REEP5: variants seen among roughly 807,000 people sequenced by gnomAD.
The protein encoded by REEP5 is receptor expression-enhancing protein 5.
A neutral mutation model predicts 22.4 loss-of-function variants in REEP5; 24 were observed. That is an observed-to-expected ratio of 1.07 (90% CI 0.78 to 1.51). REEP5 has a LOEUF of 1.51. Ranked by LOEUF, REEP5 falls within the 40% of genes most tolerant of loss-of-function variation. The pLI, the probability that REEP5 is intolerant of heterozygous loss-of-function variation, is 0.00. For missense variants in REEP5, 252 were observed against 233.0 expected (o/e 1.08, Z -0.53); for synonymous variants, 103 against 88.6 (o/e 1.16, Z -0.92).
chr5:112,898,631 T>C (rs1402443536), intron 3 of REEP5, among the ~76,000 whole-genome samples: 1 of 152,198 alleles, frequency 6.6e-6, no homozygotes. Flanking sequence ...GCTGACAAGA[T>C]AGTGTTCACT....
intron 2 of REEP5, among the ~76,000 whole-genome samples, chr5:112,917,569 T>C (rs1182442821): frequency 1.2e-4 from 18 of 152,194 alleles, no homozygotes; most frequent in South Asian, 4.1e-4. Context: ...AAGTCTGAGT[T>C]TGCCTCACAA....
chr5:112,913,404 AAAAAG>A (rs879290192), intron 2 of REEP5, among the ~76,000 whole-genome samples: 13 of 150,682 alleles, frequency 8.6e-5, no homozygotes, highest in East Asian at 1.9e-4. Context: ...AAAGAAAGAA[AAAAAG>A]AAAAGAAAAG....
Position 112,922,141 on chromosome 5 carries a change from T to C in REEP5, c.50A>G (p.Asn17Ser). The C allele has an allele frequency of 6.2e-7, 1 of 1,607,354 alleles. No individual in the cohort carries two copies. The highest frequency in any genetic ancestry group is 1.1e-5 in the South Asian group (1 of 90,134). Residue 17 changes from asparagine to serine, a missense_variant, in exon 1 of 5, where the codon AAC becomes AGC. Asn to Ser is a conservative substitution (Grantham distance 46). Coordinates refer to ENST00000379638, the MANE Select transcript of REEP5 (RefSeq NM_005669.5). ...CTTGGCCAGAAGGTCAGTCATGCAG[T>C]TCTTCTCGTGCAGGAACCGGTCGAA... ...ERFDRFLHEK[N>S]CMTDLLAKLE...
chr5:112,887,871 T>C (rs1768308486), intron 3 of REEP5, among the ~76,000 whole-genome samples: 1 of 152,226 alleles, frequency 6.6e-6, no homozygotes, highest in African/African-American at 2.4e-5. Context: ...TTTTTACTGT[T>C]GATTCAAATA....
In REEP5 at chr5:112,877,981, C is replaced by CTGTGTGTGTGTGTGTG. The variant is rs60109818; in HGVS notation, c.*789_*804dup. On this transcript the variant is annotated 3_prime_UTR_variant, in exon 5 of 5. Transcript: ENST00000379638. The stretch of plus-strand genomic sequence containing the variant: ...AGGGAATTGAGAGTTACAGGTTACT[C>CTGTGTGTGTGTGTGTG]TGTGTGTGTGTGTGTGTGTGTGTGT... 7 of 147,642 alleles carry CTGTGTGTGTGTGTGTG rather than the reference C, an allele frequency of 4.7e-5. No homozygotes were observed. Among genetic ancestry groups the CTGTGTGTGTGTGTGTG allele is most frequent in the Admixed American group, 1.4e-4 (2 of 14,770 alleles). 9.1% of individuals were successfully genotyped at this position (147,642 alleles called of 1,614,324 possible).
chr5:112,909,080 G>A (rs469760), intron 2 of REEP5, among the ~76,000 whole-genome samples: 53,608 of 150,760 alleles, frequency 0.36, 9,842 homozygotes, highest in African/African-American at 0.45. Flanking sequence ...CTATGGAATG[G>A]CCAGGGCTTT....
chr5:112,877,345 G>C lies in REEP5; in HGVS notation c.*1441C>G, dbSNP rs141004505. 2.1e-4 allele frequency: 32 copies of C among 152,208 alleles called. No individual in the cohort carries two copies. The highest frequency in any genetic ancestry group is 2.0e-3 in the Admixed American group (31 of 15,286). The allele number at this position is 152,208 out of a possible 1,614,324, so 9.4% of individuals were successfully genotyped here. A position where few individuals can be genotyped will look rare whatever the true frequency, so the allele number is the denominator to read the frequency against. ...CTGTACTGGCTGGATATTTAATCTT[G>C]TTAGTTTAGTTATACACTTGTTTTA... On this transcript the variant is annotated 3_prime_UTR_variant, in exon 5 of 5. Coordinates refer to ENST00000379638, the MANE Select transcript of REEP5 (RefSeq NM_005669.5).
intron 2 of REEP5, among the ~76,000 whole-genome samples, chr5:112,903,427 T>C (rs1003992757): frequency 5.9e-5 from 9 of 152,064 alleles, no homozygotes; most frequent in East Asian, 1.9e-4. Flanking sequence ...TATGGGGACT[T>C]TGGGGAAAGG....
chr5:112,905,532 C>A (rs1420256437), intron 2 of REEP5, among the ~76,000 whole-genome samples: 1 of 148,530 alleles, frequency 6.7e-6, no homozygotes, highest in African/African-American at 2.5e-5. Flanking sequence ...CAGAGCAAGA[C>A]TCGGTCTCAA....
intron 2 of REEP5, among the ~76,000 whole-genome samples, chr5:112,919,585 C>G (rs1362055199): frequency 6.6e-6 from 1 of 152,074 alleles, no homozygotes; most frequent in East Asian, 1.9e-4. Flanking sequence ...AAGAAACAGG[C>G]ATGAGAGCTC....
intron 3 of REEP5, among the ~76,000 whole-genome samples, chr5:112,891,178 T>A (rs764785082): frequency 7.0e-6 from 1 of 142,008 alleles, no homozygotes; most frequent in African/African-American, 2.9e-5. Flanking sequence ...GTTCAAGCAG[T>A]TCTCCTGCCT....
chr5:112,907,492 T>C (rs973104625), intron 2 of REEP5, among the ~76,000 whole-genome samples: 1 of 152,134 alleles, frequency 6.6e-6, no homozygotes, highest in Non-Finnish European at 1.5e-5. Context: ...AAAGCAGATA[T>C]CAAGAGAAGC....
intron 3 of REEP5, chr5:112,893,094 T>TAAAAAAAAAA (rs552226372): frequency 5.9e-4 from 296 of 501,310 alleles, no homozygotes; most frequent in African/African-American, 4.8e-3. Context: ...GTTTTGTTCT[T>TAAAAAAAAAA]AAAAAAAAAA....
At chr5:112,896,174 A>G (rs1250111299) in intron 3 of REEP5, 1 of 152,632 alleles carries the variant, frequency 6.6e-6, no homozygotes, top group Non-Finnish European at 1.5e-5. Context: ...AGCTTAAAAG[A>G]ACGTGTTAAA....
chr5:112,878,915 T>A, intron 4 of REEP5, 80 bp from the exon 5 acceptor site: 1 of 1,606,202 alleles, frequency 6.2e-7, no homozygotes, highest in Non-Finnish European at 8.5e-7. Context: ...TTGTGCCTAA[T>A]GTAGCTACTA....
intron 2 of REEP5, among the ~76,000 whole-genome samples, chr5:112,913,739 GGACA>G (rs1308654567): frequency 1.3e-5 from 2 of 152,082 alleles, no homozygotes; most frequent in African/African-American, 2.4e-5. Context: ...TGCGGAATGT[GGACA>G]GACATCCCTA....
intron 3 of REEP5, chr5:112,896,976 G>C (rs986973759): frequency 1.3e-5 from 2 of 152,148 alleles, no homozygotes; most frequent in Non-Finnish European, 2.9e-5. Context: ...AAGGTAAACA[G>C]AGGATACAAA....
chr5:112,894,124 G>GTTTTTTTTTTTTT (rs199564515), intron 3 of REEP5: 1 of 141,748 alleles, frequency 7.1e-6, no homozygotes, highest in South Asian at 2.3e-4. Context: ...GGTTTTTTTT[G>GTTTTTTTTTTTTT]TTTTTTTTTT....
intron 3 of REEP5, among the ~76,000 whole-genome samples, chr5:112,889,197 G>A (rs1449758828): frequency 1.3e-5 from 2 of 150,350 alleles, no homozygotes; most frequent in Non-Finnish European, 2.9e-5. Context: ...ACAGACAAAT[G>A]CAGAGACCAT....
Sources: allele counts gnomAD v4.1 joint callset (sites outside exome capture counted in the v4.1 genomes callset), GRCh38; gene constraint gnomAD v4.1.1; transcripts MANE v1.5; gene names NCBI Gene and HGNC (gene_info 2026-07-23, HGNC 2026-07-21).